ITGAE: variants seen among roughly 807,000 people sequenced by gnomAD.
ITGAE encodes the protein integrin alpha-E.
A neutral mutation model predicts 136.5 loss-of-function variants in ITGAE; 99 were observed. The ratio of observed to expected loss-of-function variants is 0.73; its 90% confidence interval spans 0.62 to 0.86. The LOEUF is 0.86. ITGAE is among the 40% of genes least tolerant of loss of function. ITGAE has a pLI of 0.00. For synonymous variants in ITGAE, 613 were observed against 591.8 expected (o/e 1.04, Z -0.52); for missense variants, 1,447 against 1,515.3 (o/e 0.95, Z 0.75).
In ITGAE at chr17:3,757,257, C is replaced by T. The variant is rs555523867; in HGVS notation, c.1021-123G>A. On this transcript the variant is annotated intron_variant, in intron 9 of 30. Coordinates refer to ENST00000263087, the MANE Select transcript of ITGAE (RefSeq NM_002208.5). ...TTACCTGTCTCCTTCCTTCCTTTCT[C>T]CTCCTTTCCCTGCTCCCTGTTCTAC... The T allele has an allele frequency of 6.7e-6, 8 of 1,189,936 alleles. No homozygotes were observed. In the Admixed American group the frequency reaches 6.9e-5, roughly 10 times the overall value. The allele number at this position is 1,189,936 out of a possible 1,614,324, so 73.7% of individuals were successfully genotyped here. A position where few individuals can be genotyped will look rare whatever the true frequency, so the allele number is the denominator to read the frequency against.
Position 3,797,073 on chromosome 17 carries a change from C to T in ITGAE, c.34+4038G>A, listed in dbSNP as rs1051435163. Reference sequence around the variant, plus strand: ...GTCAGCTGAGCCCATCTCTCTCCCTCACCCTTCATCTCCCTAATAACAAGA... The same window carrying T: ...GTCAGCTGAGCCCATCTCTCTCCCTTACCCTTCATCTCCCTAATAACAAGA... On this transcript the variant is annotated intron_variant, in intron 1 of 30. Transcript: ENST00000263087. Among the ~76,000 whole-genome samples the T allele has an allele frequency of 5.9e-5, 9 of 151,854 alleles. 1 individual carries two copies. Among genetic ancestry groups the T allele is most frequent in the East Asian group, 3.9e-4 (2 of 5,180 alleles).
At position 3,733,984 on chromosome 17, in the gene ITGAE, T is replaced by C. The variant is rs184155124; in HGVS notation, c.2655+833A>G. 3.3e-5 allele frequency among the ~76,000 whole-genome samples: 5 copies of C among 152,342 alleles called. No individual in the cohort carries two copies. In the East Asian group the frequency reaches 9.6e-4, roughly 29 times the overall value. ...TACCTCAGGTGGAAACAGACTCTTCTCTTGGTCAAAATGACTTACACTCTC... is the reference window on the plus strand; with the variant it reads ...TACCTCAGGTGGAAACAGACTCTTCCCTTGGTCAAAATGACTTACACTCTC... On this transcript the variant is annotated intron_variant, in intron 21 of 30. Transcript: ENST00000263087.
chr17:3,800,410 T>TGGCCTCCGGCTTAATCTTAGC (rs1309492157), intron 1 of ITGAE, among the ~76,000 whole-genome samples: 2 of 152,218 alleles, frequency 1.3e-5, no homozygotes, highest in East Asian at 3.9e-4. Context: ...AGGACCACCC[T>TGGCCTCCGGCTTAATCTTAGC]GGCCTCCGGC....
intron 17 of ITGAE, 55 bp downstream of exon 17, chr17:3,747,867 G>A (rs2051755160): frequency 7.3e-7 from 1 of 1,363,136 alleles, no homozygotes; most frequent in Non-Finnish European, 9.8e-7. Flanking sequence ...CCTTACAGAA[G>A]CCAAAAAGGA....
rs776239217 is a variant in ITGAE at position 3,753,756 on chromosome 17, G to A, written c.1527+27C>T. 5.6e-6 allele frequency: 9 copies of A among 1,613,310 alleles called. No individual in the cohort carries two copies. In the African/African-American group the frequency reaches 1.1e-4, roughly 19 times the overall value. ...CCTCCAGATTCCCCATCGGTCATAAGGGGTGGAGGCTTTCCCCAGCAGGTA... is the reference window on the plus strand; with the variant it reads ...CCTCCAGATTCCCCATCGGTCATAAAGGGTGGAGGCTTTCCCCAGCAGGTA... On this transcript the variant is annotated intron_variant, in intron 13 of 30. Coordinates refer to ENST00000263087, the MANE Select transcript of ITGAE (RefSeq NM_002208.5).
rs760784667 is a variant in ITGAE, at chr17:3,751,587, G to T, written c.1893+63C>A. 4.8e-4 allele frequency: 703 copies of T among 1,475,444 alleles called. 3 individuals carry two copies. Among genetic ancestry groups the T allele is most frequent in the Non-Finnish European group, 6.1e-4 (644 of 1,059,444 alleles). 91.4% of individuals were successfully genotyped at this position (1,475,444 alleles called of 1,614,324 possible). On this transcript the variant is annotated intron_variant, in intron 15 of 30. Coordinates refer to ENST00000263087, the MANE Select transcript of ITGAE (RefSeq NM_002208.5). ...GGACTGAAGCCGACTTGGGGCTTGG[G>T]TCATCATATCTGAGAGAGGTCAGAG... is the stretch of plus-strand genomic sequence containing the variant.
chr17:3,791,801 G>A (rs1305404873), intron 1 of ITGAE, among the ~76,000 whole-genome samples: 1 of 152,218 alleles, frequency 6.6e-6, no homozygotes, highest in Admixed American at 6.5e-5. Context: ...TGGTCCTCAG[G>A]TCACATTTTG....
intron 23 of ITGAE, among the ~76,000 whole-genome samples, chr17:3,730,004 C>G (rs1252357053): frequency 1.3e-5 from 2 of 152,154 alleles, no homozygotes; most frequent in African/African-American, 2.4e-5. Context: ...GTTACTAAGC[C>G]CAACACGCAT....
chr17:3,734,948 G>T lies in ITGAE; in HGVS notation c.2524C>A (p.Gln842Lys). 1 of 1,614,178 alleles carries T rather than the reference G, an allele frequency of 6.2e-7. No homozygotes were observed. Among genetic ancestry groups the T allele is most frequent in the Non-Finnish European group, 8.5e-7 (1 of 1,180,018 alleles). The change falls in exon 21 of 31, where the codon CAG becomes AAG. Residue 842 changes from glutamine (Q) to lysine (K), a missense_variant and splice_region_variant. Gln to Lys is a moderately conservative substitution (Grantham distance 53). This residue lies in a region of ITGAE where 1,031 missense variants were observed against 1,011.4 expected (regional missense o/e 1.02). Transcript: ENST00000263087. The part of the protein sequence containing the change: ...ELQLATTVSQ[Q>K]ELVVGLTKEL... ...TTTGTGAGACCCACCACCAACTCCT[G>T]CCTGCACAGGGTACAGATAAAAATG...
At chr17:3,787,367 C>T (rs879277481) in intron 1 of ITGAE, among the ~76,000 whole-genome samples, 3 of 152,164 alleles carry the variant, frequency 2.0e-5, no homozygotes, top group Non-Finnish European at 4.4e-5. Flanking sequence ...CCACCTCAGC[C>T]TCCCAAAGTG....
At chr17:3,801,086 C>A in intron 1 of ITGAE, 25 bp downstream of exon 1, 1 of 1,612,770 alleles carries the variant, frequency 6.2e-7, no homozygotes, top group South Asian at 1.1e-5. Flanking sequence ...AGCAGCCCCT[C>A]GAAGCAGCGG....
chr17:3,773,698 G>C (rs1244543786), intron 2 of ITGAE, among the ~76,000 whole-genome samples: 1 of 152,008 alleles, frequency 6.6e-6, no homozygotes, highest in Non-Finnish European at 1.5e-5. Flanking sequence ...ATGACTCATT[G>C]AATCACTGGC....
Position 3,784,166 on chromosome 17 carries a change from A to C in ITGAE, c.35-6506T>G, listed in dbSNP as rs949105519. Among the ~76,000 whole-genome samples the C allele has an allele frequency of 9.3e-4, 141 of 152,148 alleles. 1 individual carries two copies. The highest frequency in any genetic ancestry group is 3.3e-3 in the African/African-American group (137 of 41,568). ...TCCCAGCTACTCGGGAGGTTGAGGC[A>C]GGAGAATGGCGTGAACCCGGGAGGC... On this transcript the variant is annotated intron_variant, in intron 1 of 30. Transcript: ENST00000263087.
chr17:3,782,614 C>T (rs566646098), intron 1 of ITGAE, among the ~76,000 whole-genome samples: 11 of 152,122 alleles, frequency 7.2e-5, no homozygotes, highest in African/African-American at 2.4e-4. Flanking sequence ...GTGATTCAGC[C>T]GTTCAACGTG....
Position 3,714,708 on chromosome 17 carries a change from C to A in ITGAE, c.*139G>T. 1.8e-6 allele frequency: 1 copy of A among 544,716 alleles called. No homozygotes were observed. The allele number at this position is 544,716 out of a possible 1,614,324, so 33.7% of individuals were successfully genotyped here. A position where few individuals can be genotyped will look rare whatever the true frequency, so the allele number is the denominator to read the frequency against. On this transcript the variant is annotated 3_prime_UTR_variant, in exon 31 of 31. Coordinates refer to ENST00000263087, the MANE Select transcript of ITGAE (RefSeq NM_002208.5). ...GCACAATGCACAGACACTTTTGGGA[C>A]AATGTATGGTTAAAAACTAATATTC...
At chr17:3,761,700 C>G (rs2052174413) in intron 4 of ITGAE, among the ~76,000 whole-genome samples, 180 bp from the exon 5 acceptor site, 1 of 152,196 alleles carries the variant, frequency 6.6e-6, no homozygotes, top group Non-Finnish European at 1.5e-5. Context: ...GAGGCCGACA[C>G]CTGCAGGAGT....
At chr17:3,723,229 A>G in intron 28 of ITGAE, 59 bp downstream of exon 28, 1 of 1,120,726 alleles carries the variant, frequency 8.9e-7, no homozygotes, top group Admixed American at 1.7e-5. Flanking sequence ...TATCTCTTCT[A>G]GGGGCGATGC....
chr17:3,731,761 G>T (rs1188367396), intron 22 of ITGAE, among the ~76,000 whole-genome samples: 2 of 151,924 alleles, frequency 1.3e-5, no homozygotes, highest in Non-Finnish European at 1.5e-5. Context: ...GATGACAAGG[G>T]ACAGATCAGG....
chr17:3,725,684 C>T, intron 26 of ITGAE: 1 of 1,583,062 alleles, frequency 6.3e-7, no homozygotes, highest in Non-Finnish European at 8.6e-7. Context: ...ATAATTCAAC[C>T]AAAGGCTCTG....
Sources: gnomAD v4.1 joint callset for allele counts (sites outside exome capture counted in the v4.1 genomes callset) on GRCh38, gnomAD v4.1.1 for gene constraint, gnomAD v4.1.1 regional missense constraint, MANE v1.5 for transcripts, NCBI Gene and HGNC (gene_info 2026-07-23, HGNC 2026-07-21) for gene names.